The following GALNTL6 variants were observed in gnomAD, a reference collection of about 807,000 sequenced individuals.
GALNTL6 encodes polypeptide N-acetylgalactosaminyltransferase-like 6.
A neutral mutation model predicts 73.7 loss-of-function variants in GALNTL6; 46 were observed. The observed-to-expected ratio is 0.62, with a 90% CI of 0.49 to 0.80. The LOEUF (loss-of-function observed/expected upper bound fraction) is 0.80. Ranked by LOEUF, GALNTL6 falls within the 30% of genes least tolerant of loss-of-function variation. The probability of loss-of-function intolerance (pLI) is 0.00; values close to 1 mark genes in which losing one functional copy is unlikely to be tolerated. For synonymous variants in GALNTL6, 259 were observed against 263.7 expected (o/e 0.98, Z 0.17); for missense variants, 604 against 755.0 (o/e 0.80, Z 2.34).
At chr4:172,665,999 T>C (rs995357046) in intron 5 of GALNTL6, among the ~76,000 whole-genome samples, 2 of 152,186 alleles carry the variant, frequency 1.3e-5, no homozygotes, top group Admixed American at 6.5e-5. Flanking sequence ...ATTTTGCTGA[T>C]CTGGAATTTT....
chr4:171,834,587 A>G (rs1335530015), intron 2 of GALNTL6, among the ~76,000 whole-genome samples: 3 of 152,000 alleles, frequency 2.0e-5, no homozygotes, highest in Admixed American at 6.6e-5. Flanking sequence ...AGAGGATACA[A>G]TATGTAGTGG....
chr4:171,844,118 G>A (rs1735310049), intron 2 of GALNTL6, among the ~76,000 whole-genome samples: 1 of 152,036 alleles, frequency 6.6e-6, no homozygotes, highest in South Asian at 2.1e-4. Context: ...GTAACTTTTT[G>A]TTCATTAATA....
At chr4:172,578,945 C>G (rs1345053326) in intron 5 of GALNTL6, among the ~76,000 whole-genome samples, 1 of 152,172 alleles carries the variant, frequency 6.6e-6, no homozygotes, top group Admixed American at 6.5e-5. Flanking sequence ...GAATGGTTCA[C>G]AGACCCACAT....
At chr4:172,059,349 G>A (rs566727487) in intron 2 of GALNTL6, among the ~76,000 whole-genome samples, 256 of 152,222 alleles carry the variant, frequency 1.7e-3, no homozygotes, top group African/African-American at 5.9e-3. Flanking sequence ...GTCAATGGGT[G>A]ACTAAAGAAG....
intron 5 of GALNTL6, among the ~76,000 whole-genome samples, chr4:172,737,928 C>T (rs906104152): frequency 2.6e-5 from 4 of 152,122 alleles, no homozygotes; most frequent in African/African-American, 7.2e-5. Context: ...GGAAGCTTGG[C>T]TAGGGGATTA....
intron 5 of GALNTL6, among the ~76,000 whole-genome samples, chr4:172,608,136 T>C (rs1738378609): frequency 6.6e-6 from 1 of 152,192 alleles, no homozygotes; most frequent in Non-Finnish European, 1.5e-5. Context: ...CTAGTTTAAT[T>C]AGGTCCCATT....
intron 5 of GALNTL6, among the ~76,000 whole-genome samples, chr4:172,463,556 T>C (rs1299611792): frequency 1.3e-5 from 2 of 152,328 alleles, no homozygotes; most frequent in South Asian, 4.1e-4. Flanking sequence ...TGCCATGCAC[T>C]GTACTAGATT....
At chr4:172,666,470 A>G (rs1039548987) in intron 5 of GALNTL6, among the ~76,000 whole-genome samples, 1 of 152,144 alleles carries the variant, frequency 6.6e-6, no homozygotes, top group Non-Finnish European at 1.5e-5. Flanking sequence ...AAAGATTGCA[A>G]AACCCAAAAT....
chr4:172,459,386 A>G (rs1163066946), intron 5 of GALNTL6, among the ~76,000 whole-genome samples: 2 of 152,224 alleles, frequency 1.3e-5, no homozygotes, highest in Non-Finnish European at 2.9e-5. Flanking sequence ...AGAGAAAGAA[A>G]TAAAGCGTAT....
chr4:173,004,893 G>A (rs1752206873), intron 10 of GALNTL6, among the ~76,000 whole-genome samples: 1 of 152,102 alleles, frequency 6.6e-6, no homozygotes. Context: ...TGTTGAATGA[G>A]GAATGAACCC....
intron 10 of GALNTL6, among the ~76,000 whole-genome samples, chr4:172,983,695 C>CA (rs1472779470): frequency 3.3e-5 from 5 of 151,616 alleles, no homozygotes; most frequent in African/African-American, 4.8e-5. Flanking sequence ...AACTCTGTCT[C>CA]AAAAAAATAT....
chr4:172,939,348 T>G lies in GALNTL6; in HGVS notation c.1149+8080T>G, dbSNP rs565464571. Reference sequence around the variant, plus strand: ...TAACACCCTCTACTTAGAAGGAGCTTTTTATTTTAAAAATCAAGGCATCTT... The same window carrying G: ...TAACACCCTCTACTTAGAAGGAGCTGTTTATTTTAAAAATCAAGGCATCTT... On this transcript the variant is annotated intron_variant, in intron 9 of 12. Transcript: ENST00000506823. Among the ~76,000 whole-genome samples, 159 of 152,250 alleles carry G rather than the reference T, an allele frequency of 1.0e-3. 1 individual carries two copies. Among genetic ancestry groups the G allele is most frequent in the African/African-American group, 3.7e-3 (153 of 41,562 alleles).
At chr4:172,193,472 GCAA>G (rs896295242) in intron 2 of GALNTL6, among the ~76,000 whole-genome samples, 18 of 152,048 alleles carry the variant, frequency 1.2e-4, no homozygotes, top group South Asian at 2.1e-4. Flanking sequence ...CAAACCAAAA[GCAA>G]CAACAACAAC....
At chr4:172,100,017 C>A (rs1244835303) in intron 2 of GALNTL6, among the ~76,000 whole-genome samples, 3 of 152,056 alleles carry the variant, frequency 2.0e-5, no homozygotes, top group Admixed American at 1.3e-4. Flanking sequence ...TACAGGCACA[C>A]AAAGGAGATA....
At chr4:171,942,084 A>G (rs1228316890) in intron 2 of GALNTL6, among the ~76,000 whole-genome samples, 1 of 151,998 alleles carries the variant, frequency 6.6e-6, no homozygotes, top group East Asian at 1.9e-4. Flanking sequence ...CACATATAAA[A>G]CAATATAACA....
At chr4:172,029,019 T>G (rs1439007890) in intron 2 of GALNTL6, among the ~76,000 whole-genome samples, 1 of 152,028 alleles carries the variant, frequency 6.6e-6, no homozygotes, top group African/African-American at 2.4e-5. Flanking sequence ...GCTTTTTAAT[T>G]TATACAGTGA....
intron 2 of GALNTL6, among the ~76,000 whole-genome samples, chr4:172,076,534 A>T (rs1417386378): frequency 1.3e-5 from 2 of 152,214 alleles, no homozygotes; most frequent in Non-Finnish European, 1.5e-5. Context: ...AAATAAAATT[A>T]AAAAAACATT....
At position 171,916,548 on chromosome 4, in the gene GALNTL6, T is replaced by A. The variant is rs186304340; in HGVS notation, c.138+101830T>A. Among the ~76,000 whole-genome samples, 785 of 152,230 alleles carry A rather than the reference T, an allele frequency of 5.2e-3. 8 individuals carry two copies. Among genetic ancestry groups the A allele is most frequent in the African/African-American group, 0.018 (734 of 41,560 alleles). On this transcript the variant is annotated intron_variant, in intron 2 of 12. Transcript: ENST00000506823. ...CATAAGTCTGACATGTACTTTGACT[T>A]TTATCTCATTAAATCTTTGCTATGT...
chr4:172,256,869 G>A (rs1236433795), intron 3 of GALNTL6, among the ~76,000 whole-genome samples: 1 of 151,316 alleles, frequency 6.6e-6, no homozygotes, highest in African/African-American at 2.4e-5. Flanking sequence ...TGACCCATTT[G>A]CTTCATTCAC....
Sources: gnomAD v4.1 joint callset for allele counts (sites outside exome capture counted in the v4.1 genomes callset) on GRCh38, gnomAD v4.1.1 for gene constraint, MANE v1.5 for transcripts, NCBI Gene and HGNC (gene_info 2026-07-23, HGNC 2026-07-21) for gene names.